Variants in GRXCR1 observed in about 807,000 individuals in gnomAD.
GRXCR1 encodes glutaredoxin domain-containing cysteine-rich protein 1.
In GRXCR1, 27 loss-of-function variants were observed where a neutral mutation model predicts 27.3. That is an observed-to-expected ratio of 0.99 (90% confidence interval 0.73 to 1.37). GRXCR1 has a LOEUF of 1.37. Ranked by LOEUF, GRXCR1 falls within the 40% of genes most tolerant of loss-of-function variation. GRXCR1 has a pLI of 0.00. For missense variants in GRXCR1, 379 were observed against 354.4 expected, an observed-to-expected ratio of 1.07 and a Z score of -0.56; for synonymous variants, 122 against 131.1, an observed-to-expected ratio of 0.93 and a Z score of 0.47.
At chr4:42,946,697 C>A (rs967122014) in intron 1 of GRXCR1, among the ~76,000 whole-genome samples, 2 of 152,130 alleles carry the variant, frequency 1.3e-5, no homozygotes, top group African/African-American at 4.8e-5. Context: ...TTCCCTCTGG[C>A]CTCTTTTATA....
chr4:42,896,189 T>G (rs1746343277), intron 1 of GRXCR1, among the ~76,000 whole-genome samples: 1 of 152,168 alleles, frequency 6.6e-6, no homozygotes, highest in Non-Finnish European at 1.5e-5. Context: ...CTTTTATCCC[T>G]GTCTCATAAA....
chr4:42,962,105 T>G (rs1271484470), intron 1 of GRXCR1, among the ~76,000 whole-genome samples: 1 of 151,862 alleles, frequency 6.6e-6, no homozygotes, highest in Non-Finnish European at 1.5e-5. Context: ...CTGGCCAGGG[T>G]TTCCTGGGAA....
intron 1 of GRXCR1, among the ~76,000 whole-genome samples, chr4:42,932,605 TATATATATATATATAGAGAGAGAG>T (rs1160743469): frequency 8.6e-4 from 50 of 57,886 alleles, no homozygotes; most frequent in South Asian, 2.2e-3. Context: ...TATATATATA[TATATATATATATATAGAGAGAGAG>T]AGAGAGAGAG....
intron 1 of GRXCR1, among the ~76,000 whole-genome samples, chr4:42,900,028 C>T (rs1440489257): frequency 6.6e-6 from 1 of 152,100 alleles, no homozygotes; most frequent in South Asian, 2.1e-4. Flanking sequence ...CTTAAAAATG[C>T]AATTTAACAG....
intron 2 of GRXCR1, among the ~76,000 whole-genome samples, chr4:43,000,989 C>T (rs1712337520): frequency 6.6e-6 from 1 of 151,988 alleles, no homozygotes; most frequent in Admixed American, 6.6e-5. Context: ...TACAGTGGTG[C>T]TATCTCGGCT....
intron 1 of GRXCR1, among the ~76,000 whole-genome samples, chr4:42,946,405 T>C (rs1747745897): frequency 6.6e-6 from 1 of 152,184 alleles, no homozygotes; most frequent in African/African-American, 2.4e-5. Flanking sequence ...ATTATCCTAG[T>C]GTGAAAAGTG....
At chr4:42,964,093 A>T (rs972003570) in intron 2 of GRXCR1, among the ~76,000 whole-genome samples, 1 of 151,970 alleles carries the variant, frequency 6.6e-6, no homozygotes, top group Non-Finnish European at 1.5e-5. Flanking sequence ...ACACTATGTG[A>T]TTGTACTTTT....
chr4:42,942,289 A>G (rs1203756397), intron 1 of GRXCR1, among the ~76,000 whole-genome samples: 1 of 152,050 alleles, frequency 6.6e-6, no homozygotes, highest in Non-Finnish European at 1.5e-5. Flanking sequence ...TAAAAATCAG[A>G]TGAGTATTTT....
intron 2 of GRXCR1, among the ~76,000 whole-genome samples, chr4:43,019,139 T>C (rs1713022486): frequency 1.3e-5 from 2 of 152,178 alleles, no homozygotes; most frequent in South Asian, 4.1e-4. Flanking sequence ...CCAGATCAAA[T>C]GCCACCAACC....
chr4:43,024,319 T>C lies in GRXCR1; in HGVS notation c.693+3900T>C, dbSNP rs546242207. On this transcript the variant is annotated intron_variant, in intron 3 of 3. Coordinates refer to ENST00000399770, the MANE Select transcript of GRXCR1 (RefSeq NM_001080476.3). The stretch of plus-strand genomic sequence containing the variant: ...AAGATTCCCGGCTACACACTTAGTA[T>C]GTCAAAAATGGCACAGACTGTCTGT... 8.0e-5 allele frequency among the ~76,000 whole-genome samples: 12 copies of C among 150,686 alleles called. No homozygotes were observed. In the South Asian group the frequency reaches 2.5e-3, roughly 31 times the overall value.
At chr4:42,926,519 G>A (rs1381599307) in intron 1 of GRXCR1, among the ~76,000 whole-genome samples, 1 of 151,630 alleles carries the variant, frequency 6.6e-6, no homozygotes, top group Non-Finnish European at 1.5e-5. Context: ...CTTTTGGAAA[G>A]CATTCCCTTG....
intron 1 of GRXCR1, among the ~76,000 whole-genome samples, chr4:42,934,862 C>A (rs1747420814): frequency 6.6e-6 from 1 of 151,924 alleles, no homozygotes; most frequent in South Asian, 2.1e-4. Context: ...GCAGCCAGGA[C>A]AGAAATTATT....
At chr4:42,913,647 G>A (rs1746815479) in intron 1 of GRXCR1, among the ~76,000 whole-genome samples, 1 of 152,170 alleles carries the variant, frequency 6.6e-6, no homozygotes, top group Non-Finnish European at 1.5e-5. Flanking sequence ...GCCTTCTGCA[G>A]AAATTTGCAT....
intron 2 of GRXCR1, among the ~76,000 whole-genome samples, chr4:43,018,314 G>A (rs1712994476): frequency 6.6e-6 from 1 of 152,174 alleles, no homozygotes; most frequent in Admixed American, 6.5e-5. Context: ...GTATTCAGCT[G>A]CCTGTCCTCT....
chr4:42,972,046 G>A (rs886157075), intron 2 of GRXCR1, among the ~76,000 whole-genome samples: 41 of 152,190 alleles, frequency 2.7e-4, no homozygotes, highest in African/African-American at 8.9e-4. Context: ...AGAGGTGTGA[G>A]CCACCATGTC....
chr4:43,013,866 A>G (rs963704968), intron 2 of GRXCR1, among the ~76,000 whole-genome samples: 1 of 152,132 alleles, frequency 6.6e-6, no homozygotes, highest in Non-Finnish European at 1.5e-5. Flanking sequence ...AGAGAAGCAA[A>G]TAATACACCC....
intron 2 of GRXCR1, 84 bp downstream of exon 2, chr4:42,963,218 G>T (rs542390675): frequency 1.4e-6 from 2 of 1,480,320 alleles, no homozygotes; most frequent in African/African-American, 1.4e-5. Flanking sequence ...CATTTGCAGC[G>T]TAACTACTGG....
intron 2 of GRXCR1, among the ~76,000 whole-genome samples, chr4:42,999,733 G>A (rs1017435120): frequency 1.4e-4 from 21 of 152,120 alleles, no homozygotes; most frequent in African/African-American, 4.8e-4. Context: ...AAAGTTTATT[G>A]CACACTAAAT....
At chr4:42,966,053 A>G (rs1748230923) in intron 2 of GRXCR1, among the ~76,000 whole-genome samples, 1 of 152,082 alleles carries the variant, frequency 6.6e-6, no homozygotes, top group African/African-American at 2.4e-5. Context: ...AAGGAAAAAA[A>G]AATACTTTAG....
Sources: gnomAD v4.1 joint callset for allele counts (sites outside exome capture counted in the v4.1 genomes callset) on GRCh38, gnomAD v4.1.1 for gene constraint, MANE v1.5 for transcripts, NCBI Gene and HGNC (gene_info 2026-07-23, HGNC 2026-07-21) for gene names.